SLC9A3: variants seen among roughly 807,000 people sequenced by gnomAD.
SLC9A3 encodes solute carrier family 9 member A3, also known as sodium/hydrogen exchanger 3.
In SLC9A3, 37 loss-of-function variants were observed where a neutral mutation model predicts 86.8. The ratio of observed to expected loss-of-function variants is 0.43; its 90% CI spans 0.33 to 0.56. The LOEUF (loss-of-function observed/expected upper bound fraction) is 0.56. Ranked by LOEUF, SLC9A3 falls within the 20% of genes least tolerant of loss-of-function variation. The pLI, the probability that SLC9A3 is intolerant of heterozygous loss-of-function variation, is 0.06. For synonymous variants in SLC9A3, 581 were observed against 528.3 expected, an observed-to-expected ratio of 1.10 and a Z score of -1.37; for missense variants, 1,011 against 1,171.9, an observed-to-expected ratio of 0.86 and a Z score of 2.00.
chr5:471,977 A>C lies in SLC9A3; in HGVS notation c.*1402T>G, dbSNP rs1232336613. On this transcript the variant is annotated 3_prime_UTR_variant, in exon 17 of 17. Coordinates refer to ENST00000264938, the MANE Select transcript of SLC9A3 (RefSeq NM_004174.4). ...TGTCAACACTTGATCTGAAACGTGA[A>C]TAGTTTAATTTTCCTGAGCAAGGAG... The C allele has an allele frequency of 2.2e-6, 1 of 456,570 alleles. No homozygotes were observed. The highest frequency in any genetic ancestry group is 4.4e-6 in the Non-Finnish European group (1 of 226,982). The allele number at this position is 456,570 out of a possible 1,614,324, so 28.3% of individuals were successfully genotyped here.
In SLC9A3 at chr5:496,616, G is replaced by A. The variant is rs570617897; in HGVS notation, c.212-4545C>T. On this transcript the variant is annotated intron_variant, in intron 1 of 16. Transcript: ENST00000264938. The surrounding 1 kb of genome is among the most constrained non-coding windows in gnomAD (Gnocchi z 4.7). ...TTCTGTCATTTTGCTCCATGCGAACGTCTTTTCTTTTTATAGTTAAATTTA... is the reference window on the plus strand; with the variant it reads ...TTCTGTCATTTTGCTCCATGCGAACATCTTTTCTTTTTATAGTTAAATTTA... Among the ~76,000 whole-genome samples, 4 of 152,254 alleles carry A rather than the reference G, an allele frequency of 2.6e-5. No homozygotes were observed. The highest frequency in any genetic ancestry group is 1.9e-4 in the East Asian group (1 of 5,186).
intron 1 of SLC9A3, among the ~76,000 whole-genome samples, chr5:522,142 CCG>C (rs1455706596): frequency 2.0e-5 from 3 of 152,170 alleles, no homozygotes; most frequent in Non-Finnish European, 2.9e-5. Flanking sequence ...AGCCAACAAT[CCG>C]AGACAAAGAC....
Position 494,256 on chromosome 5 carries a change from C to T in SLC9A3, c.212-2185G>A, listed in dbSNP as rs140623448. Among the ~76,000 whole-genome samples the T allele has an allele frequency of 6.4e-3, 974 of 152,386 alleles. 3 individuals carry two copies. Among genetic ancestry groups the T allele is most frequent in the Middle Eastern group, 0.01 (3 of 294 alleles). ...CCTCCCCAGATCTGGGCTCACGGGG[C>T]TGGCAGCCCAGCAGGAAAACAGGGG... is the stretch of plus-strand genomic sequence containing the variant. On this transcript the variant is annotated intron_variant, in intron 1 of 16. Coordinates refer to ENST00000264938, the MANE Select transcript of SLC9A3 (RefSeq NM_004174.4).
chr5:475,841 C>T (rs1391258925), intron 14 of SLC9A3, among the ~76,000 whole-genome samples, 170 bp from the exon 15 acceptor site: 1 of 152,096 alleles, frequency 6.6e-6, no homozygotes, highest in East Asian at 1.9e-4. Flanking sequence ...GGGCAGTGTC[C>T]CTGGAACCCC....
intron 2 of SLC9A3, among the ~76,000 whole-genome samples, chr5:489,864 G>A (rs10065644): frequency 6.6e-6 from 1 of 152,184 alleles, no homozygotes; most frequent in Non-Finnish European, 1.5e-5. Flanking sequence ...TGCCAGGAGG[G>A]CTCATGCCAC....
chr5:523,867 G>T (rs1733956253), intron 1 of SLC9A3, among the ~76,000 whole-genome samples: 1 of 152,188 alleles, frequency 6.6e-6, no homozygotes. Flanking sequence ...GGACCCGGGA[G>T]CCGGGAGTCC....
chr5:488,531 G>C (rs1195297033), intron 2 of SLC9A3, 55 bp from the exon 3 acceptor site: 38 of 1,449,722 alleles, frequency 2.6e-5, no homozygotes, highest in Non-Finnish European at 3.4e-5. Flanking sequence ...CCGAGGAGGA[G>C]GGCCCTGGGG....
intron 3 of SLC9A3, among the ~76,000 whole-genome samples, chr5:485,717 G>T (rs1311979546): frequency 2.0e-5 from 3 of 152,236 alleles, no homozygotes; most frequent in African/African-American, 7.2e-5. Flanking sequence ...GGTGAGACCG[G>T]CCGAGGGCCG....
chr5:472,953 C>G lies in SLC9A3; in HGVS notation c.*426G>C. On this transcript the variant is annotated 3_prime_UTR_variant, in exon 17 of 17. Transcript: ENST00000264938. ...CCAGCCATGGCGCGCGGACCCTTCC[C>G]GCCGGCGGCGTCACAGCGGCGTCTC... The G allele has an allele frequency of 1.9e-6, 1 of 526,428 alleles. No individual in the cohort carries two copies. Among genetic ancestry groups the G allele is most frequent in the East Asian group, 3.6e-5 (1 of 27,420 alleles). The allele number at this position is 526,428 out of a possible 1,614,324, so 32.6% of individuals were successfully genotyped here.
intron 1 of SLC9A3, among the ~76,000 whole-genome samples, chr5:514,337 G>A (rs1189231774): frequency 6.6e-6 from 1 of 152,150 alleles, no homozygotes; most frequent in Non-Finnish European, 1.5e-5. Flanking sequence ...CCCTCCAGGG[G>A]CTCTGTCCCT....
intron 1 of SLC9A3, among the ~76,000 whole-genome samples, chr5:501,534 A>G (rs1256776327): frequency 6.6e-6 from 1 of 152,012 alleles, no homozygotes; most frequent in Non-Finnish European, 1.5e-5. Context: ...GCGCAGACAC[A>G]TGCAGGAACA....
At chr5:520,973 C>T (rs922167662) in intron 1 of SLC9A3, among the ~76,000 whole-genome samples, 2 of 152,184 alleles carry the variant, frequency 1.3e-5, no homozygotes, top group Non-Finnish European at 2.9e-5. Context: ...CCTAGAGTGG[C>T]CCTGGTGCGG....
In SLC9A3 at chr5:485,036, GC is replaced by G. The variant is rs1739399346; in HGVS notation, c.754+116del. On this transcript the variant is annotated intron_variant, in intron 4 of 16. Transcript: ENST00000264938. ...ACGGGGACGTGACGTGGACAGAAGGGCCCAGTGTAGCAGCTTTGAGTGCAAA... is the reference window on the plus strand; with the variant it reads ...ACGGGGACGTGACGTGGACAGAAGGGCCAGTGTAGCAGCTTTGAGTGCAAA... 7 of 784,072 alleles carry G rather than the reference GC, an allele frequency of 8.9e-6. No individual in the cohort carries two copies. The Middle Eastern group carries it at 6.7e-4, about 75-fold the overall frequency. The allele number at this position is 784,072 out of a possible 1,614,324, so 48.6% of individuals were successfully genotyped here. A position where few individuals can be genotyped will look rare whatever the true frequency, so the allele number is the denominator to read the frequency against.
At chr5:479,563 G>T in intron 10 of SLC9A3, 1 of 431,002 alleles carries the variant, frequency 2.3e-6, no homozygotes, top group Middle Eastern at 6.6e-4. Flanking sequence ...CCCATCCCTG[G>T]GGAAAGCAAG....
intron 1 of SLC9A3, among the ~76,000 whole-genome samples, chr5:522,803 C>A (rs1266778053): frequency 6.6e-6 from 1 of 152,016 alleles, no homozygotes; most frequent in Non-Finnish European, 1.5e-5. Flanking sequence ...GGGGCACTCC[C>A]GTCAGAGGAA....
At chr5:502,648 G>A (rs1358829460) in intron 1 of SLC9A3, among the ~76,000 whole-genome samples, 6 of 152,236 alleles carry the variant, frequency 3.9e-5, no homozygotes, top group African/African-American at 9.6e-5. Flanking sequence ...GAAAAGAAAC[G>A]TTCTCATAAC....
At chr5:484,819 T>G in intron 4 of SLC9A3, 122 bp from the exon 5 acceptor site, 1 of 916,730 alleles carries the variant, frequency 1.1e-6, no homozygotes, top group South Asian at 1.6e-5. Context: ...CCTCACTCTC[T>G]TGGAGATCGG....
chr5:477,090 C>G (rs1009816533), intron 11 of SLC9A3: 2 of 516,600 alleles, frequency 3.9e-6, no homozygotes. Context: ...GGGGCAAACA[C>G]GTCAGGCCTG....
intron 1 of SLC9A3, among the ~76,000 whole-genome samples, chr5:494,073 C>G (rs1055792138): frequency 5.9e-5 from 9 of 152,244 alleles, no homozygotes; most frequent in South Asian, 2.1e-4. Flanking sequence ...CCCGTCTGCT[C>G]CAGCTTTCAG....
Sources: gnomAD v4.1 joint callset for allele counts (sites outside exome capture counted in the v4.1 genomes callset) on GRCh38, gnomAD v4.1.1 for gene constraint, Gnocchi (gnomAD v3.1) non-coding constraint, MANE v1.5 for transcripts, NCBI Gene and HGNC (gene_info 2026-07-23, HGNC 2026-07-21) for gene names.